NOP58: variants seen among roughly 807,000 people sequenced by gnomAD.
NOP58 encodes nucleolar protein 58.
Under a neutral mutation model 71.2 loss-of-function variants are expected in NOP58, and 44 were observed. The ratio of observed to expected loss-of-function variants is 0.62; its 90% CI spans 0.49 to 0.79. NOP58 has a LOEUF of 0.79. Among genes scored for constraint, NOP58 ranks in the 30% least tolerant of loss-of-function variants. The pLI, the probability that NOP58 is intolerant of heterozygous loss-of-function variation, is 0.00. For missense variants in NOP58, 538 were observed against 620.2 expected (o/e 0.87, Z 1.41); for synonymous variants, 228 against 200.3 (o/e 1.14, Z -1.17).
At chr2:202,284,142 A>G (rs1363151156) in intron 4 of NOP58, among the ~76,000 whole-genome samples, 2 of 151,992 alleles carry the variant, frequency 1.3e-5, no homozygotes, top group Non-Finnish European at 1.5e-5. Context: ...TTAGCTGGGC[A>G]TGGTGGCTCA....
intron 10 of NOP58, among the ~76,000 whole-genome samples, chr2:202,296,685 GTTAA>G (rs1294101294): frequency 6.6e-6 from 1 of 151,656 alleles, no homozygotes; most frequent in Admixed American, 6.6e-5. Flanking sequence ...AAAATAAAAT[GTTAA>G]TTAGATTGAA....
chr2:202,302,532 G>A (rs1468998790), intron 13 of NOP58, among the ~76,000 whole-genome samples: 1 of 152,182 alleles, frequency 6.6e-6, no homozygotes, highest in African/African-American at 2.4e-5. Flanking sequence ...TTTATAGATA[G>A]GGAGCTTCAC....
At chr2:202,279,769 G>C (rs1346844999) in intron 3 of NOP58, among the ~76,000 whole-genome samples, 2 of 152,178 alleles carry the variant, frequency 1.3e-5, no homozygotes, top group Admixed American at 6.6e-5. Context: ...ACTCCAGCCT[G>C]GGCAACAGAG....
chr2:202,275,092 T>A, intron 1 of NOP58, 21 bp from the exon 2 acceptor site: 1 of 1,239,720 alleles, frequency 8.1e-7, no homozygotes, highest in Non-Finnish European at 1.2e-6. Context: ...TAAATAAAAC[T>A]ATTTAAACAT....
At chr2:202,267,548 C>T (rs1301245946) in intron 1 of NOP58, among the ~76,000 whole-genome samples, 1 of 152,200 alleles carries the variant, frequency 6.6e-6, no homozygotes, top group East Asian at 1.9e-4. Flanking sequence ...GTCAATTTTA[C>T]TTTTCTCCAG....
At chr2:202,270,764 A>G (rs781138887) in intron 1 of NOP58, among the ~76,000 whole-genome samples, 2 of 151,952 alleles carry the variant, frequency 1.3e-5, no homozygotes, top group African/African-American at 4.8e-5. Context: ...CAAAACAAAA[A>G]CCACACAAAG....
intron 3 of NOP58, 170 bp downstream of exon 3, chr2:202,278,172 T>G: frequency 1.4e-6 from 1 of 715,056 alleles, no homozygotes; most frequent in Non-Finnish European, 2.6e-6. Context: ...CATTCGTCAC[T>G]ACCACTGAGA....
At chr2:202,279,651 C>T (rs570717575) in intron 3 of NOP58, among the ~76,000 whole-genome samples, 10 of 152,188 alleles carry the variant, frequency 6.6e-5, no homozygotes, top group African/African-American at 9.6e-5. Context: ...AAAAATTAGC[C>T]GGGTGTGGTG....
chr2:202,290,316 A>G lies in NOP58; in HGVS notation c.500-7A>G, dbSNP rs759526559. 1.9e-6 allele frequency: 3 copies of G among 1,592,256 alleles called. No individual in the cohort carries two copies. The highest frequency in any genetic ancestry group is 1.1e-5 in the South Asian group (1 of 88,116). On this transcript the variant is annotated splice_polypyrimidine_tract_variant and splice_region_variant and intron_variant, in intron 6 of 14. Coordinates refer to ENST00000264279, the MANE Select transcript of NOP58 (RefSeq NM_015934.5). ...AGTTTTGTTTGTTTGTTTTTAATCT[A>G]CTACAGCCTTGTTAGATGACTTGGA...
chr2:202,280,439 AGGCTGGGTTC>A (rs1264846067), intron 3 of NOP58, among the ~76,000 whole-genome samples: 1 of 152,004 alleles, frequency 6.6e-6, no homozygotes, highest in Non-Finnish European at 1.5e-5. Flanking sequence ...TTCTCCCAGG[AGGCTGGGTTC>A]AGCCTCCAAA....
intron 5 of NOP58, among the ~76,000 whole-genome samples, chr2:202,285,341 ATTTTTTTTT>A (rs932875625): frequency 2.5e-5 from 2 of 81,268 alleles, no homozygotes; most frequent in Non-Finnish European, 4.6e-5. Context: ...CACACCCGGC[ATTTTTTTTT>A]TTTTTTTTTT....
chr2:202,271,083 C>CA (rs199511240), intron 1 of NOP58, among the ~76,000 whole-genome samples: 14,278 of 147,474 alleles, frequency 0.097, 881 homozygotes, highest in South Asian at 0.22. Context: ...GACACTGTCT[C>CA]AAAAAAAAAC....
intron 3 of NOP58, among the ~76,000 whole-genome samples, chr2:202,281,580 C>A (rs1157955986): frequency 6.6e-6 from 1 of 152,182 alleles, no homozygotes; most frequent in Admixed American, 6.5e-5. Flanking sequence ...AGCTGGACTA[C>A]AGGCACATGC....
At chr2:202,301,315 G>T (rs540907251) in intron 13 of NOP58, among the ~76,000 whole-genome samples, 3 of 152,168 alleles carry the variant, frequency 2.0e-5, no homozygotes, top group Admixed American at 6.5e-5. Context: ...CTCTTGAGTA[G>T]CTGTGATTAC....
At chr2:202,298,850 G>C (rs73990242) in intron 12 of NOP58, among the ~76,000 whole-genome samples, 1 of 151,622 alleles carries the variant, frequency 6.6e-6, no homozygotes, top group Non-Finnish European at 1.5e-5. Context: ...ATGTGGCACA[G>C]CTGTTCTAGG....
intron 12 of NOP58, among the ~76,000 whole-genome samples, chr2:202,298,859 G>A (rs981375438): frequency 6.6e-6 from 1 of 151,596 alleles, no homozygotes; most frequent in African/African-American, 2.4e-5. Flanking sequence ...AGCTGTTCTA[G>A]GAAGCCATTT....
At chr2:202,276,432 T>C (rs781270152) in intron 2 of NOP58, 16 of 509,396 alleles carry the variant, frequency 3.1e-5, no homozygotes, top group Non-Finnish European at 6.3e-5. Flanking sequence ...TTAATCTGAT[T>C]CGTTGTTGTC....
intron 1 of NOP58, among the ~76,000 whole-genome samples, chr2:202,269,194 T>C (rs993497777): frequency 6.6e-6 from 1 of 150,600 alleles, no homozygotes; most frequent in African/African-American, 2.4e-5. Flanking sequence ...TTTTTTGAGA[T>C]GGAGTCTCAC....
Position 202,297,507 on chromosome 2 carries a change from CAG to C in NOP58, c.1203_1204del (p.Gly402AspfsTer18). On this transcript the variant is annotated frameshift_variant, in exon 11 of 15. Coordinates refer to ENST00000264279, the MANE Select transcript of NOP58 (RefSeq NM_015934.5). LOFTEE classifies it high-confidence loss of function. ...AGGCCAGGTTGAGAACTTTGGAAGA[CAG>C]AGGGGTAAGAACTACATCATGCCTA... Reference protein sequence around the residue: ...LEARLRTLEDRGIRKISGTGK... With the variant: ...LEARLRTLEDXGIRKISGTGK... 1.2e-6 allele frequency: 2 copies of C among 1,613,640 alleles called. No individual in the cohort carries two copies. Among genetic ancestry groups the C allele is most frequent in the South Asian group, 1.1e-5 (1 of 91,006 alleles).
Sources: gnomAD v4.1 joint callset for allele counts (sites outside exome capture counted in the v4.1 genomes callset) on GRCh38, gnomAD v4.1.1 for gene constraint, MANE v1.5 for transcripts, NCBI Gene and HGNC (gene_info 2026-07-23, HGNC 2026-07-21) for gene names.